The following CHL1 variants were observed in gnomAD, a reference collection of about 807,000 sequenced individuals.
CHL1 encodes neural cell adhesion molecule L1-like protein.
In CHL1, 96 loss-of-function variants were observed where a neutral mutation model predicts 141.9. The ratio of observed to expected loss-of-function variants is 0.68; its 90% CI spans 0.57 to 0.80. The LOEUF is 0.80. Among genes scored for constraint, CHL1 ranks in the 30% least tolerant of loss-of-function variants. The probability of loss-of-function intolerance (pLI) is 0.00; values close to 1 mark genes in which losing one functional copy is unlikely to be tolerated. For missense variants in CHL1, 1,820 were observed against 1,457.2 expected, an observed-to-expected ratio of 1.25 and a Z score of -4.05; for synonymous variants, 613 against 502.2, an observed-to-expected ratio of 1.22 and a Z score of -2.95.
chr3:334,658 T>A (rs1251170936), intron 5 of CHL1, among the ~76,000 whole-genome samples: 1 of 152,234 alleles, frequency 6.6e-6, no homozygotes, highest in East Asian at 1.9e-4. Context: ...GGATATCATT[T>A]CCTGTTAATC....
At chr3:374,903 T>C (rs1706122053) in intron 15 of CHL1, among the ~76,000 whole-genome samples, 1 of 152,088 alleles carries the variant, frequency 6.6e-6, no homozygotes, top group Non-Finnish European at 1.5e-5. Flanking sequence ...TAAAGGGAGG[T>C]TAAACTTCTA....
intron 23 of CHL1, 67 bp downstream of exon 23, chr3:391,864 C>A: frequency 7.8e-7 from 1 of 1,278,572 alleles, no homozygotes; most frequent in Non-Finnish European, 1.1e-6. Context: ...ATTCTCTGTG[C>A]TATGTTGGGA....
At chr3:394,657 A>G (rs1334048648) in intron 23 of CHL1, 36 bp from the exon 24 acceptor site, 2 of 1,463,674 alleles carry the variant, frequency 1.4e-6, no homozygotes, top group Admixed American at 1.9e-5. Flanking sequence ...GAATGGTTAA[A>G]TACATTTGAG....
intron 26 of CHL1, among the ~76,000 whole-genome samples, chr3:401,411 G>A (rs1709123535): frequency 6.6e-6 from 1 of 152,124 alleles, no homozygotes; most frequent in South Asian, 2.1e-4. Flanking sequence ...CAGGTGTGAC[G>A]ACAAGTAGAA....
intron 25 of CHL1, among the ~76,000 whole-genome samples, 180 bp from the exon 26 acceptor site, chr3:398,837 A>C (rs73105068): frequency 2.0e-5 from 3 of 152,308 alleles, no homozygotes; most frequent in Middle Eastern, 3.4e-3. Flanking sequence ...TAAATAAAGA[A>C]GGAAAGATTT....
At chr3:376,431 T>C in intron 15 of CHL1, 1 of 514,978 alleles carries the variant, frequency 1.9e-6, no homozygotes, top group Non-Finnish European at 3.9e-6. Flanking sequence ...GTTCTTTAGG[T>C]ATACCATACC....
chr3:291,901 T>C (rs892636725), intron 2 of CHL1, among the ~76,000 whole-genome samples: 1 of 152,204 alleles, frequency 6.6e-6, no homozygotes, highest in Non-Finnish European at 1.5e-5. Flanking sequence ...AATTGTCTTT[T>C]GCAGCTCAGC....
intron 15 of CHL1, among the ~76,000 whole-genome samples, chr3:372,643 C>T (rs36102352): frequency 0.29 from 44,332 of 151,814 alleles, 6,683 homozygotes; most frequent in Middle Eastern, 0.46. Context: ...TCCAGTTCTG[C>T]GCCCTTGGTG....
chr3:295,997 C>G (rs182907914), intron 2 of CHL1, among the ~76,000 whole-genome samples: 154 of 151,346 alleles, frequency 1.0e-3, no homozygotes, highest in African/African-American at 3.5e-3. Context: ...GTACAACTCC[C>G]TCTCAAAAAA....
intron 5 of CHL1, among the ~76,000 whole-genome samples, chr3:336,620 T>C (rs1701885706): frequency 6.6e-6 from 1 of 152,150 alleles, no homozygotes. Flanking sequence ...AAGGTAAAGA[T>C]ATTGGTCTGA....
chr3:258,265 C>T (rs2125176941), intron 2 of CHL1, among the ~76,000 whole-genome samples: 1 of 152,306 alleles, frequency 6.6e-6, no homozygotes, highest in South Asian at 2.1e-4. Context: ...TATTATGAAT[C>T]ATAGAATTAT....
chr3:378,766 G>T (rs1263957770), intron 16 of CHL1, among the ~76,000 whole-genome samples: 1 of 152,112 alleles, frequency 6.6e-6, no homozygotes, highest in African/African-American at 2.4e-5. Context: ...TGCAGACAGG[G>T]TCTCCTCACA....
chr3:353,138 A>G (rs761736939), intron 10 of CHL1, among the ~76,000 whole-genome samples: 2 of 152,218 alleles, frequency 1.3e-5, no homozygotes. Context: ...TATTACTAAT[A>G]GTCCTAATAG....
At chr3:310,738 A>T (rs1218012337) in intron 2 of CHL1, among the ~76,000 whole-genome samples, 1 of 152,180 alleles carries the variant, frequency 6.6e-6, no homozygotes, top group Non-Finnish European at 1.5e-5. Flanking sequence ...TTGACATATC[A>T]ATAACGCCCC....
At chr3:224,636 A>T (rs1701158520) in intron 1 of CHL1, among the ~76,000 whole-genome samples, 1 of 152,200 alleles carries the variant, frequency 6.6e-6, no homozygotes, top group Non-Finnish European at 1.5e-5. Flanking sequence ...GAAGCCAAGC[A>T]GATGCCAGTG....
intron 1 of CHL1, among the ~76,000 whole-genome samples, chr3:210,523 T>C (rs1699823505): frequency 6.6e-6 from 1 of 152,204 alleles, no homozygotes; most frequent in South Asian, 2.1e-4. Flanking sequence ...AGGGCCTCTC[T>C]CCTGGTCCTT....
chr3:231,424 G>A (rs1223622949), intron 1 of CHL1, among the ~76,000 whole-genome samples: 1 of 151,962 alleles, frequency 6.6e-6, no homozygotes, highest in African/African-American at 2.4e-5. Flanking sequence ...ACTGAAGCAG[G>A]CTTAGCCCAT....
intron 1 of CHL1, among the ~76,000 whole-genome samples, chr3:237,101 G>C (rs1276324102): frequency 6.6e-6 from 1 of 152,170 alleles, no homozygotes; most frequent in African/African-American, 2.4e-5. Context: ...GTTTGGCTCT[G>C]TGTTCTCACC....
chr3:212,880 C>G (rs1328569852), intron 1 of CHL1, among the ~76,000 whole-genome samples: 1 of 152,198 alleles, frequency 6.6e-6, no homozygotes, highest in Non-Finnish European at 1.5e-5. Context: ...TCACCATCTT[C>G]AATACTTGTG....
Sources: gnomAD v4.1 joint callset for allele counts (sites outside exome capture counted in the v4.1 genomes callset) on GRCh38, gnomAD v4.1.1 for gene constraint, MANE v1.5 for transcripts, NCBI Gene and HGNC (gene_info 2026-07-23, HGNC 2026-07-21) for gene names.